The following DBT variants were observed in gnomAD, a reference collection of about 807,000 sequenced individuals.
The protein encoded by DBT is dihydrolipoamide branched chain transacylase E2, also known as lipoamide acyltransferase component of branched-chain alpha-keto acid dehydrogenase complex, mitochondrial.
DBT carries 40 observed loss-of-function variants against 51.3 expected under a neutral mutation model. That is an observed-to-expected ratio of 0.78 (90% confidence interval 0.61 to 1.02). The LOEUF (loss-of-function observed/expected upper bound fraction) is 1.02. DBT is among the 50% of genes least tolerant of loss of function. The pLI, the probability that DBT is intolerant of heterozygous loss-of-function variation, is 0.00. For synonymous variants in DBT, 181 were observed against 190.4 expected (o/e 0.95, Z 0.41); for missense variants, 510 against 580.2 (o/e 0.88, Z 1.24).
At chr1:100,245,795 C>T (rs1664497349) in intron 1 of DBT, among the ~76,000 whole-genome samples, 1 of 151,580 alleles carries the variant, frequency 6.6e-6, no homozygotes, top group African/African-American at 2.4e-5. Flanking sequence ...TACTAAAAAT[C>T]AAAATAATTA....
chr1:100,204,401 G>C (rs775240351), intron 10 of DBT, among the ~76,000 whole-genome samples: 2 of 152,186 alleles, frequency 1.3e-5, no homozygotes, highest in Non-Finnish European at 2.9e-5. Context: ...TACAAGGGAT[G>C]TGAGGGACCT....
intron 10 of DBT, among the ~76,000 whole-genome samples, chr1:100,199,337 C>G (rs1213755942): frequency 6.6e-6 from 1 of 152,146 alleles, no homozygotes; most frequent in African/African-American, 2.4e-5. Flanking sequence ...AAAGAATGCT[C>G]TAAATGAGTC....
At chr1:100,208,424 T>C (rs751850018) in intron 8 of DBT, among the ~76,000 whole-genome samples, 2 of 152,160 alleles carry the variant, frequency 1.3e-5, no homozygotes, top group Non-Finnish European at 2.9e-5. Context: ...TGAACCAACA[T>C]TTATAAAAAT....
Position 100,190,322 on chromosome 1 carries a change from T to C in DBT, c.*5933A>G, listed in dbSNP as rs1416483066. On this transcript the variant is annotated 3_prime_UTR_variant, in exon 11 of 11. Coordinates refer to ENST00000370132, the MANE Select transcript of DBT (RefSeq NM_001918.5). ...AGAATATGAAGAATCTCTTGAGAAG[T>C]GTTATGGGCCATGTCTGGAAATGGC... 2 of 152,180 alleles carry C rather than the reference T, an allele frequency of 1.3e-5. No homozygotes were observed. Among genetic ancestry groups the C allele is most frequent in the African/African-American group, 4.8e-5 (2 of 41,448 alleles). The allele number at this position is 152,180 out of a possible 1,614,324, so 9.4% of individuals were successfully genotyped here. A position where few individuals can be genotyped will look rare whatever the true frequency, so the allele number is the denominator to read the frequency against.
rs530702981 is a variant in DBT at position 100,227,329 on chromosome 1, C to G, written c.433+3404G>C. On this transcript the variant is annotated intron_variant, in intron 4 of 10. Transcript: ENST00000370132. Reference sequence around the variant, plus strand: ...AAGTGACTACTAAAGGAACTCCTTACTTCGAGAACTGGCAAAGGGAAAGAA... The same window carrying G: ...AAGTGACTACTAAAGGAACTCCTTAGTTCGAGAACTGGCAAAGGGAAAGAA... Among the ~76,000 whole-genome samples, 5 of 152,306 alleles carry G rather than the reference C, an allele frequency of 3.3e-5. No homozygotes were observed. In the East Asian group the frequency reaches 9.6e-4, roughly 29 times the overall value.
chr1:100,243,912 G>C (rs974768398), intron 1 of DBT, among the ~76,000 whole-genome samples: 1 of 146,822 alleles, frequency 6.8e-6, no homozygotes, highest in Non-Finnish European at 1.5e-5. Flanking sequence ...AGAGGCATAG[G>C]CTTCTTTAAT....
At chr1:100,203,134 C>T (rs942665576) in intron 10 of DBT, among the ~76,000 whole-genome samples, 1 of 151,842 alleles carries the variant, frequency 6.6e-6, no homozygotes, top group African/African-American at 2.4e-5. Context: ...ACAAAAAAAC[C>T]CTTCAAAAAA....
chr1:100,224,139 G>A (rs1462293970), intron 4 of DBT, among the ~76,000 whole-genome samples: 1 of 152,124 alleles, frequency 6.6e-6, no homozygotes, highest in Admixed American at 6.5e-5. Flanking sequence ...CTACTATTAA[G>A]ATGTCTAGTC....
At chr1:100,203,542 T>C (rs1397462428) in intron 10 of DBT, among the ~76,000 whole-genome samples, 3 of 152,162 alleles carry the variant, frequency 2.0e-5, no homozygotes, top group Non-Finnish European at 4.4e-5. Flanking sequence ...CTGGTACCAT[T>C]CCTTCTGAAA....
chr1:100,233,573 A>G (rs1570839171), intron 3 of DBT, among the ~76,000 whole-genome samples: 1 of 152,270 alleles, frequency 6.6e-6, no homozygotes, highest in African/African-American at 2.4e-5. Flanking sequence ...TCAGTGCCGT[A>G]AAGAAATAGC....
intron 7 of DBT, among the ~76,000 whole-genome samples, chr1:100,213,053 C>G (rs1194231460): frequency 6.6e-6 from 1 of 152,244 alleles, no homozygotes; most frequent in East Asian, 1.9e-4. Context: ...CTGAGTAAAA[C>G]AGACCAGAAC....
chr1:100,209,092 TCTTTTC>T, intron 8 of DBT, among the ~76,000 whole-genome samples: 1 of 98,174 alleles, frequency 1.0e-5, no homozygotes, highest in African/African-American at 3.4e-5. Flanking sequence ...TCTTTTCTTT[TCTTTTC>T]TTTTTTTTTT....
chr1:100,239,851 C>CAAAAAAAAAAAAAAAAAAAAAAAAA (rs56661922), intron 2 of DBT, among the ~76,000 whole-genome samples: 2 of 111,204 alleles, frequency 1.8e-5, no homozygotes, highest in South Asian at 3.0e-4. Flanking sequence ...CAACAGAGCT[C>CAAAAAAAAAAAAAAAAAAAAAAAAA]AAAAAAAAAA....
intron 8 of DBT, 78 bp downstream of exon 8, chr1:100,210,616 A>C: frequency 1.3e-6 from 2 of 1,595,666 alleles, no homozygotes; most frequent in South Asian, 2.3e-5. Flanking sequence ...TTGAGGTACA[A>C]TAGAAGTCTC....
At position 100,242,061 on chromosome 1, in the gene DBT, C is replaced by T. The variant is rs1664256318; in HGVS notation, c.52-1177G>A. 3.3e-5 allele frequency among the ~76,000 whole-genome samples: 5 copies of T among 152,152 alleles called. No individual in the cohort carries two copies. The South Asian group carries it at 1.0e-3, about 32-fold the overall frequency. ...CAATGCTATTAATACTTAACTACAT[C>T]ATACTGTAAACATAAACTACAGAAT... On this transcript the variant is annotated intron_variant, in intron 1 of 10. Coordinates refer to ENST00000370132, the MANE Select transcript of DBT (RefSeq NM_001918.5).
intron 4 of DBT, among the ~76,000 whole-genome samples, chr1:100,220,741 A>G (rs1196336128): frequency 6.6e-6 from 1 of 152,226 alleles, no homozygotes; most frequent in Non-Finnish European, 1.5e-5. Flanking sequence ...CACCTAATAA[A>G]TCTAAGAGCT....
At chr1:100,249,192 G>C in intron 1 of DBT, 2 of 654,876 alleles carry the variant, frequency 3.1e-6, no homozygotes, top group Non-Finnish European at 3.8e-6. Flanking sequence ...GGGAGAAAGA[G>C]AAGGAAGTGC....
chr1:100,215,021 C>A, intron 6 of DBT, 38 bp from the exon 7 acceptor site: 27 of 1,380,872 alleles, frequency 2.0e-5, no homozygotes, highest in Non-Finnish European at 2.5e-5. Context: ...TATTTAAATT[C>A]TCAAATCTCT....
chr1:100,224,039 C>T (rs1357362493), intron 4 of DBT, among the ~76,000 whole-genome samples: 1 of 152,126 alleles, frequency 6.6e-6, no homozygotes, highest in African/African-American at 2.4e-5. Flanking sequence ...TCATGACCCT[C>T]TAGCTTTGAA....
Sources: gnomAD v4.1 joint callset for allele counts (sites outside exome capture counted in the v4.1 genomes callset) on GRCh38, gnomAD v4.1.1 for gene constraint, MANE v1.5 for transcripts, NCBI Gene and HGNC (gene_info 2026-07-23, HGNC 2026-07-21) for gene names.